Variants in INPP4B observed in about 807,000 individuals in gnomAD.
The protein encoded by INPP4B is inositol polyphosphate 4-phosphatase type II.
INPP4B carries 55 observed loss-of-function variants against 122.5 expected under a neutral mutation model. The ratio of observed to expected loss-of-function variants is 0.45; its 90% CI spans 0.36 to 0.56. The LOEUF is 0.56. Ranked by LOEUF, INPP4B falls within the 20% of genes least tolerant of loss-of-function variation. The pLI is 0.00. For missense variants in INPP4B, 1,000 were observed against 1,097.7 expected, an observed-to-expected ratio of 0.91 and a Z score of 1.26; for synonymous variants, 403 against 388.7, an observed-to-expected ratio of 1.04 and a Z score of -0.43.
chr4:142,622,209 T>A (rs1445275679), intron 2 of INPP4B, among the ~76,000 whole-genome samples: 1 of 151,918 alleles, frequency 6.6e-6, no homozygotes, highest in Non-Finnish European at 1.5e-5. Flanking sequence ...GGCTACAAAC[T>A]TTAATGATGT....
At chr4:142,682,790 T>C (rs1390257427) in intron 2 of INPP4B, among the ~76,000 whole-genome samples, 1 of 151,940 alleles carries the variant, frequency 6.6e-6, no homozygotes, top group Non-Finnish European at 1.5e-5. Flanking sequence ...AGTATTCTGT[T>C]TTGGAAATTT....
intron 23 of INPP4B, among the ~76,000 whole-genome samples, chr4:142,086,877 G>A (rs963112268): frequency 4.1e-4 from 63 of 152,192 alleles, no homozygotes; most frequent in African/African-American, 1.4e-3. Flanking sequence ...AAAAGCATAA[G>A]ACATAGATGT....
At chr4:142,167,681 C>T (rs1823468896) in intron 16 of INPP4B, among the ~76,000 whole-genome samples, 1 of 151,656 alleles carries the variant, frequency 6.6e-6, no homozygotes. Flanking sequence ...TATGCCTTTG[C>T]TACACTAGTA....
intron 2 of INPP4B, among the ~76,000 whole-genome samples, chr4:142,552,878 T>C (rs1447478699): frequency 6.6e-6 from 1 of 152,196 alleles, no homozygotes; most frequent in Non-Finnish European, 1.5e-5. Flanking sequence ...GCAGTCCTGC[T>C]CTATAGTCCA....
intron 2 of INPP4B, among the ~76,000 whole-genome samples, chr4:142,566,900 A>G (rs899631647): frequency 6.6e-6 from 1 of 152,194 alleles, no homozygotes; most frequent in Admixed American, 6.5e-5. Context: ...CTCTCTTTTC[A>G]TCTGTGAGTT....
rs149081789 is a variant in INPP4B, at chr4:142,452,573, T to G, written c.-127+10090A>C. 4.5e-4 allele frequency among the ~76,000 whole-genome samples: 68 copies of G among 152,334 alleles called. No individual in the cohort carries two copies. In the East Asian group the frequency reaches 0.012, roughly 26 times the overall value. ...TATAAAGAAACTGGTAGTCATCTCC[T>G]TTAAGGATGGGAACACCAAGGCTCA... On this transcript the variant is annotated intron_variant, in intron 3 of 25. Coordinates refer to ENST00000262992, the MANE Select transcript of INPP4B (RefSeq NM_001101669.3).
At chr4:142,097,115 G>A (rs978295780) in intron 23 of INPP4B, among the ~76,000 whole-genome samples, 3 of 151,796 alleles carry the variant, frequency 2.0e-5, no homozygotes, top group Non-Finnish European at 4.4e-5. Flanking sequence ...ATAGATTAGG[G>A]TTTGCAAACT....
In INPP4B at chr4:142,110,018, T is replaced by A. The variant is rs571318794; in HGVS notation, c.2277-1828A>T. ...ATATTCTTCTAATGTTTTCAGACAC[T>A]GTAATCAACTGGTATTTAAAAAATA... On this transcript the variant is annotated intron_variant, in intron 22 of 25. Coordinates refer to ENST00000262992, the MANE Select transcript of INPP4B (RefSeq NM_001101669.3). 2.0e-5 allele frequency among the ~76,000 whole-genome samples: 3 copies of A among 152,274 alleles called. No individual in the cohort carries two copies. The South Asian group carries it at 6.2e-4, about 32-fold the overall frequency.
intron 23 of INPP4B, among the ~76,000 whole-genome samples, chr4:142,105,776 C>A (rs572348185): frequency 1.3e-5 from 2 of 152,094 alleles, no homozygotes; most frequent in Non-Finnish European, 2.9e-5. Context: ...AAGAAATTAA[C>A]CTATCCTTTA....
intron 1 of INPP4B, among the ~76,000 whole-genome samples, chr4:142,758,193 A>T (rs1016754932): frequency 7.2e-5 from 11 of 152,158 alleles, no homozygotes; most frequent in Non-Finnish European, 1.5e-4. Flanking sequence ...ATAGCATAGG[A>T]TGAATAGATG....
intron 10 of INPP4B, among the ~76,000 whole-genome samples, chr4:142,262,056 T>C (rs1237117221): frequency 1.3e-5 from 2 of 152,198 alleles, no homozygotes; most frequent in African/African-American, 4.8e-5. Flanking sequence ...ACTAGAATGA[T>C]GTTCAATGAT....
intron 2 of INPP4B, among the ~76,000 whole-genome samples, chr4:142,626,500 A>T (rs914406160): frequency 6.6e-6 from 1 of 152,018 alleles, no homozygotes; most frequent in Non-Finnish European, 1.5e-5. Context: ...CAGGGGTCTC[A>T]GTTCTACAAT....
At chr4:142,485,047 A>C (rs1821039682) in intron 2 of INPP4B, among the ~76,000 whole-genome samples, 1 of 152,092 alleles carries the variant, frequency 6.6e-6, no homozygotes, top group African/African-American at 2.4e-5. Flanking sequence ...CCTGTTCTGC[A>C]TGGGATTTTA....
chr4:142,661,952 G>A (rs567769787), intron 2 of INPP4B, among the ~76,000 whole-genome samples: 2 of 152,292 alleles, frequency 1.3e-5, no homozygotes, highest in Admixed American at 6.5e-5. Context: ...GGGAGAGGTT[G>A]GCCGGGCACG....
At chr4:142,197,126 CAAAA>C (rs376793889) in intron 14 of INPP4B, among the ~76,000 whole-genome samples, 2 of 67,228 alleles carry the variant, frequency 3.0e-5, no homozygotes, top group East Asian at 4.3e-4. Context: ...AACTCCGTCT[CAAAA>C]AAAAAAAAAA....
At chr4:142,541,882 C>G (rs1052117301) in intron 2 of INPP4B, among the ~76,000 whole-genome samples, 23 of 152,198 alleles carry the variant, frequency 1.5e-4, no homozygotes, top group Admixed American at 2.0e-4. Flanking sequence ...GGCTGCTTCT[C>G]CAGGGACCAG....
At chr4:142,034,335 A>G (rs929832469) in intron 25 of INPP4B, among the ~76,000 whole-genome samples, 9 of 152,056 alleles carry the variant, frequency 5.9e-5, no homozygotes, top group Non-Finnish European at 8.8e-5. Context: ...GATGTTGCTC[A>G]ACATCCTGCA....
chr4:142,355,095 T>C (rs1783142203), intron 7 of INPP4B, among the ~76,000 whole-genome samples: 2 of 151,990 alleles, frequency 1.3e-5, no homozygotes, highest in South Asian at 4.1e-4. Context: ...AACTTTCACC[T>C]GGACTTTTTA....
chr4:142,405,757 A>G (rs1164486315), intron 5 of INPP4B, among the ~76,000 whole-genome samples: 3 of 152,106 alleles, frequency 2.0e-5, no homozygotes, highest in Admixed American at 6.6e-5. Context: ...TTGAATTCAT[A>G]CTTGGTCCTT....
Sources: allele counts gnomAD v4.1 joint callset (sites outside exome capture counted in the v4.1 genomes callset), GRCh38; gene constraint gnomAD v4.1.1; transcripts MANE v1.5; gene names NCBI Gene and HGNC (gene_info 2026-07-23, HGNC 2026-07-21).